The following PDE1A variants were observed in gnomAD, a reference collection of about 807,000 sequenced individuals.
The protein encoded by PDE1A is dual specificity calcium/calmodulin-dependent 3',5'-cyclic nucleotide phosphodiesterase 1A.
Under a neutral mutation model 61.7 loss-of-function variants are expected in PDE1A, and 35 were observed. The observed-to-expected ratio is 0.57, with a 90% CI of 0.43 to 0.75. The LOEUF is 0.75. Among genes scored for constraint, PDE1A ranks in the 30% least tolerant of loss-of-function variants. The probability of loss-of-function intolerance (pLI) is 0.00; values close to 1 mark genes in which losing one functional copy is unlikely to be tolerated. For synonymous variants in PDE1A, 232 were observed against 213.2 expected (o/e 1.09, Z -0.77); for missense variants, 597 against 630.6 (o/e 0.95, Z 0.57).
At chr2:182,452,283 T>A (rs1254181370) in intron 2 of PDE1A, among the ~76,000 whole-genome samples, 1 of 152,066 alleles carries the variant, frequency 6.6e-6, no homozygotes, top group Non-Finnish European at 1.5e-5. Context: ...AGGTCTCAAG[T>A]TATTTGATTG....
chr2:182,400,532 A>G (rs1157611851), intron 1 of PDE1A, among the ~76,000 whole-genome samples: 1 of 152,050 alleles, frequency 6.6e-6, no homozygotes, highest in Non-Finnish European at 1.5e-5. Flanking sequence ...GACTCTCAAC[A>G]TCTCCTTAGA....
chr2:182,369,617 A>T (rs1436602142), intron 1 of PDE1A, among the ~76,000 whole-genome samples: 1 of 152,136 alleles, frequency 6.6e-6, no homozygotes, highest in Non-Finnish European at 1.5e-5. Context: ...AGTGGTCAGA[A>T]GTGATAAATC....
chr2:182,712,748 G>C, the PDE1A span, among the ~76,000 whole-genome samples: 59 of 151,790 alleles, frequency 3.9e-4, no homozygotes, highest in African/African-American at 1.3e-3. Flanking sequence ...TGTAGAGATG[G>C]GGTTTCACTG....
chr2:182,291,662 C>A (rs1457798088), intron 1 of PDE1A, among the ~76,000 whole-genome samples: 1 of 151,946 alleles, frequency 6.6e-6, no homozygotes, highest in Non-Finnish European at 1.5e-5. Context: ...CAGTTTAGAG[C>A]ATAAAGTGGA....
chr2:182,206,036 C>T lies in PDE1A; in HGVS notation c.806G>A (p.Arg269His), dbSNP rs552582520. The T allele has an allele frequency of 3.5e-5, 57 of 1,609,912 alleles. No homozygotes were observed. The highest frequency in any genetic ancestry group is 4.2e-5 in the Non-Finnish European group (49 of 1,177,534). ...CACGTGGTGATTCTCAAGGACAGAGCGATCATTATACAAAATGGCAACATC... is the reference window on the plus strand; with the variant it reads ...CACGTGGTGATTCTCAAGGACAGAGTGATCATTATACAAAATGGCAACATC... The change falls in exon 8 of 14, where the codon CGC (arginine) becomes CAC (histidine). Residue 269 changes from arginine (R) to histidine (H), a missense_variant. Coordinates refer to ENST00000351439, the Ensembl canonical transcript of PDE1A.
At chr2:182,665,284 C>G in the PDE1A span, among the ~76,000 whole-genome samples, 3 of 152,170 alleles carry the variant, frequency 2.0e-5, no homozygotes, top group African/African-American at 7.2e-5. Flanking sequence ...TCATAGTGAA[C>G]AGGCAACCTA....
chr2:182,522,512 A>G, intron 1 of PDE1A: 1 of 1,480,052 alleles, frequency 6.8e-7, no homozygotes, highest in Non-Finnish European at 9.0e-7. Context: ...TACAAAGCTG[A>G]GGGAAGACTC....
the PDE1A span, among the ~76,000 whole-genome samples, chr2:182,674,558 A>C: frequency 1.6e-5 from 2 of 125,858 alleles, no homozygotes; most frequent in Non-Finnish European, 3.3e-5. Flanking sequence ...CACATTTATT[A>C]ATCCCATTCA....
chr2:182,696,549 G>T, the PDE1A span, among the ~76,000 whole-genome samples: 1 of 152,134 alleles, frequency 6.6e-6, no homozygotes. Context: ...TATAATGGTG[G>T]ACATATGTCA....
At chr2:182,269,531 A>G (rs1020063429) in intron 1 of PDE1A, among the ~76,000 whole-genome samples, 5 of 152,024 alleles carry the variant, frequency 3.3e-5, no homozygotes, top group Non-Finnish European at 5.9e-5. Context: ...AAAAAAATTA[A>G]GGATGTAATA....
chr2:182,563,341 T>A, the PDE1A span, among the ~76,000 whole-genome samples: 1 of 152,204 alleles, frequency 6.6e-6, no homozygotes, highest in Non-Finnish European at 1.5e-5. Flanking sequence ...AGCAGGTTGT[T>A]CAGTTTCCAT....
chr2:182,612,924 C>A, the PDE1A span, among the ~76,000 whole-genome samples: 4 of 152,148 alleles, frequency 2.6e-5, no homozygotes, highest in Non-Finnish European at 5.9e-5. Flanking sequence ...CAATCTTATT[C>A]GTTTTTGCAG....
At chr2:182,596,981 C>T in the PDE1A span, among the ~76,000 whole-genome samples, 2 of 151,846 alleles carry the variant, frequency 1.3e-5, no homozygotes, top group African/African-American at 2.4e-5. Context: ...TGGCAAACCC[C>T]GTCTCTATTA....
At chr2:182,311,727 C>A (rs1695987139) in intron 1 of PDE1A, among the ~76,000 whole-genome samples, 1 of 152,106 alleles carries the variant, frequency 6.6e-6, no homozygotes, top group South Asian at 2.1e-4. Context: ...CATTCCCCAG[C>A]TGATGGACAT....
intron 2 of PDE1A, among the ~76,000 whole-genome samples, chr2:182,454,892 C>A (rs1209669514): frequency 6.9e-6 from 1 of 143,938 alleles, no homozygotes; most frequent in African/African-American, 2.5e-5. Context: ...CAACAAAAGA[C>A]AAAATTGACA....
intron 1 of PDE1A, among the ~76,000 whole-genome samples, chr2:182,402,270 A>G (rs1376620279): frequency 6.6e-6 from 1 of 152,202 alleles, no homozygotes; most frequent in Non-Finnish European, 1.5e-5. Context: ...CCTGACTTCA[A>G]ACTATACTAC....
chr2:182,579,176 T>A, the PDE1A span, among the ~76,000 whole-genome samples: 2 of 152,202 alleles, frequency 1.3e-5, no homozygotes, highest in Non-Finnish European at 2.9e-5. Flanking sequence ...ATAAACATGC[T>A]ACAATGGATT....
the PDE1A span, among the ~76,000 whole-genome samples, chr2:182,707,437 A>T: frequency 6.6e-5 from 10 of 152,208 alleles, no homozygotes; most frequent in Admixed American, 6.5e-4. Context: ...AACCAATGTC[A>T]AGAATGAAAC....
chr2:182,433,321 T>C (rs905931399), intron 2 of PDE1A, among the ~76,000 whole-genome samples: 1 of 152,122 alleles, frequency 6.6e-6, no homozygotes, highest in Non-Finnish European at 1.5e-5. Flanking sequence ...TTTCAGCTTA[T>C]AGGAAAGAAG....
Sources: allele counts gnomAD v4.1 joint callset (sites outside exome capture counted in the v4.1 genomes callset), GRCh38; gene constraint gnomAD v4.1.1; transcripts MANE v1.5; gene names NCBI Gene and HGNC (gene_info 2026-07-23, HGNC 2026-07-21).